ANO4: variants seen among roughly 807,000 people sequenced by gnomAD.
ANO4 encodes the protein anoctamin-4.
Under a neutral mutation model 141.9 loss-of-function variants are expected in ANO4, and 69 were observed. The ratio of observed to expected loss-of-function variants is 0.49; its 90% CI spans 0.40 to 0.59. The LOEUF is 0.59. Among genes scored for constraint, ANO4 ranks in the 20% least tolerant of loss-of-function variants. The pLI is 0.00. For synonymous variants in ANO4, 350 were observed against 394.3 expected, an observed-to-expected ratio of 0.89 and a Z score of 1.33; for missense variants, 894 against 1,162.2, an observed-to-expected ratio of 0.77 and a Z score of 3.36.
Position 100,942,420 on chromosome 12 carries a change from A to C in ANO4, c.341A>C (p.Asp114Ala). 6.2e-7 allele frequency: 1 copy of C among 1,614,080 alleles called. No individual in the cohort carries two copies. Among genetic ancestry groups the C allele is most frequent in the Non-Finnish European group, 8.5e-7 (1 of 1,179,960 alleles). Residue 114 changes from aspartate to alanine, a missense_variant, in exon 5 of 28, where the codon GAT (aspartate) becomes GCT (alanine). Physicochemically the swap from Asp to Ala is moderately radical, Grantham distance 126 (BLOSUM62 -2). Around this residue, in one of 2 missense-constraint regions of ANO4, gnomAD observed 257 missense variants for 253.0 expected, o/e 1.02. Coordinates refer to ENST00000392977, the MANE Select transcript of ANO4 (RefSeq NM_001286615.2). ...RNKSNGLYFRDGKCRIDYILV... is the reference protein window; with the variant it reads ...RNKSNGLYFRAGKCRIDYILV... ...AAATCAAATGGACTTTACTTTCGAG[A>C]TGGAAAGTGTCGAATTGACTACATC...
chr12:100,814,689 A>T (rs1308845732), intron 1 of ANO4, among the ~76,000 whole-genome samples: 1 of 152,160 alleles, frequency 6.6e-6, no homozygotes, highest in Non-Finnish European at 1.5e-5. Flanking sequence ...TATTTAGAAC[A>T]TACAAAACAT....
chr12:100,753,826 T>TA (rs2032491653), intron 3 of ANO4, among the ~76,000 whole-genome samples: 1 of 152,238 alleles, frequency 6.6e-6, no homozygotes, highest in African/African-American at 2.4e-5. Flanking sequence ...ACTTTTCCCC[T>TA]AATATTTAGC....
chr12:100,764,556 G>A lies in ANO4; in HGVS notation c.358+24451G>A, dbSNP rs577560575. On this transcript the variant is annotated intron_variant, in intron 3 of 29. Coordinates refer to the ANO4 transcript ENST00000644049. ...ATAGCAACAATAACAGTATAATCAA[G>A]CAAGCAATACCATTAACACATATAA... Among the ~76,000 whole-genome samples the A allele has an allele frequency of 5.1e-4, 77 of 152,274 alleles. 1 individual carries two copies. Among genetic ancestry groups the A allele is most frequent in the African/African-American group, 1.8e-3 (74 of 41,546 alleles).
chr12:100,930,568 A>G (rs935074162), intron 3 of ANO4, among the ~76,000 whole-genome samples: 1 of 150,520 alleles, frequency 6.6e-6, no homozygotes, highest in African/African-American at 2.4e-5. Flanking sequence ...AGTTCCATAC[A>G]GAAATTAGTT....
intron 8 of ANO4, among the ~76,000 whole-genome samples, chr12:100,997,766 G>T (rs973675703): frequency 6.6e-5 from 10 of 152,108 alleles, no homozygotes; most frequent in Non-Finnish European, 1.5e-4. Flanking sequence ...TAGGTAATGG[G>T]TTGCTTTTTG....
intron 7 of ANO4, among the ~76,000 whole-genome samples, chr12:100,982,408 T>C (rs1165281020): frequency 6.6e-6 from 1 of 152,236 alleles, no homozygotes; most frequent in African/African-American, 2.4e-5. Context: ...TTCCAGACTT[T>C]AACATATCTA....
intron 8 of ANO4, among the ~76,000 whole-genome samples, chr12:100,991,898 A>G (rs2045131230): frequency 6.6e-6 from 1 of 152,156 alleles, no homozygotes; most frequent in South Asian, 2.1e-4. Flanking sequence ...AACCAAATCC[A>G]AGATACCTTC....
At chr12:100,967,149 C>T (rs1364464597) in intron 5 of ANO4, among the ~76,000 whole-genome samples, 9 of 152,090 alleles carry the variant, frequency 5.9e-5, no homozygotes, top group Admixed American at 5.9e-4. Flanking sequence ...TTAATTTTCT[C>T]AGTCATTTTT....
intron 1 of ANO4, among the ~76,000 whole-genome samples, chr12:100,840,279 A>G (rs1278952801): frequency 6.6e-6 from 1 of 152,188 alleles, no homozygotes; most frequent in Non-Finnish European, 1.5e-5. Flanking sequence ...AACAGCTTGC[A>G]CTACTAGATT....
chr12:100,889,857 A>AATAAGGACTG (rs1399746404), intron 1 of ANO4, among the ~76,000 whole-genome samples: 1 of 152,232 alleles, frequency 6.6e-6, no homozygotes, highest in Non-Finnish European at 1.5e-5. Context: ...TGAGAAAGAC[A>AATAAGGACTG]ATAAGGACTG....
chr12:100,802,842 A>AAT (rs778833286), intron 1 of ANO4, among the ~76,000 whole-genome samples: 8 of 152,112 alleles, frequency 5.3e-5, no homozygotes, highest in Non-Finnish European at 1.0e-4. Flanking sequence ...GTTCTCTTTA[A>AAT]AGTTATTTAA....
chr12:100,909,739 T>C (rs1281544579), intron 2 of ANO4, among the ~76,000 whole-genome samples: 2 of 152,184 alleles, frequency 1.3e-5, no homozygotes, highest in African/African-American at 4.8e-5. Flanking sequence ...TGCATTACAC[T>C]GGTTCTGAAA....
chr12:100,767,611 C>G (rs1422840196), intron 3 of ANO4, among the ~76,000 whole-genome samples: 1 of 152,184 alleles, frequency 6.6e-6, no homozygotes, highest in Non-Finnish European at 1.5e-5. Flanking sequence ...AGGGATGATT[C>G]ATTTTCCCAG....
At chr12:101,101,706 C>T (rs1481328792) in intron 22 of ANO4, among the ~76,000 whole-genome samples, 1 of 151,514 alleles carries the variant, frequency 6.6e-6, no homozygotes, top group Non-Finnish European at 1.5e-5. Context: ...AAGGCAAATT[C>T]ACTTGTAGAA....
At chr12:101,049,011 T>C (rs906024610) in intron 14 of ANO4, among the ~76,000 whole-genome samples, 5 of 152,188 alleles carry the variant, frequency 3.3e-5, no homozygotes, top group Admixed American at 1.3e-4. Flanking sequence ...GGTTAATATA[T>C]AATAGTCAAA....
intron 3 of ANO4, among the ~76,000 whole-genome samples, chr12:100,749,428 T>C (rs1286536409): frequency 6.6e-6 from 1 of 152,248 alleles, no homozygotes; most frequent in Admixed American, 6.5e-5. Flanking sequence ...AGAAATACAT[T>C]GCTGAGCTTT....
chr12:101,080,900 T>TAC (rs1555296592), intron 15 of ANO4, among the ~76,000 whole-genome samples: 2 of 131,038 alleles, frequency 1.5e-5, no homozygotes, highest in African/African-American at 5.6e-5. Context: ...TATATATATA[T>TAC]ACATACACAT....
At chr12:100,855,813 T>C (rs1435534303) in intron 1 of ANO4, among the ~76,000 whole-genome samples, 1 of 152,194 alleles carries the variant, frequency 6.6e-6, no homozygotes, top group Non-Finnish European at 1.5e-5. Context: ...TGGGAAGTTC[T>C]GTGCATTTTG....
chr12:100,746,506 G>A (rs2032118077), intron 3 of ANO4, among the ~76,000 whole-genome samples: 1 of 150,548 alleles, frequency 6.6e-6, no homozygotes, highest in African/African-American at 2.4e-5. Flanking sequence ...AGAAAAATAT[G>A]TATATAAAAA....
Sources: gnomAD v4.1 joint callset for allele counts (sites outside exome capture counted in the v4.1 genomes callset) on GRCh38, gnomAD v4.1.1 for gene constraint, gnomAD v4.1.1 regional missense constraint, MANE v1.5 for transcripts, NCBI Gene and HGNC (gene_info 2026-07-23, HGNC 2026-07-21) for gene names.